Variants in CNBD1 observed in about 807,000 individuals in gnomAD.
CNBD1 encodes the protein cyclic nucleotide binding domain containing 1.
Under a neutral mutation model 54.4 loss-of-function variants are expected in CNBD1, and 71 were observed. The observed-to-expected ratio is 1.30, with a 90% CI of 1.08 to 1.59. The LOEUF (loss-of-function observed/expected upper bound fraction) is 1.59. Ranked by LOEUF, CNBD1 falls within the 40% of genes most tolerant of loss-of-function variation. The pLI is 0.00. For synonymous variants in CNBD1, 182 were observed against 170.7 expected (o/e 1.07, Z -0.51); for missense variants, 659 against 518.0 (o/e 1.27, Z -2.64).
chr8:87,136,956 C>A (rs190818952), intron 4 of CNBD1, among the ~76,000 whole-genome samples: 2 of 51,934 alleles, frequency 3.9e-5, no homozygotes, highest in East Asian at 9.6e-4. Context: ...TATTTATATT[C>A]TATGTAAATT....
intron 4 of CNBD1, among the ~76,000 whole-genome samples, chr8:87,012,375 A>T (rs886661132): frequency 7.2e-5 from 11 of 152,184 alleles, no homozygotes; most frequent in Admixed American, 5.9e-4. Flanking sequence ...GATGGGTTTT[A>T]TTTAACCCTA....
chr8:86,903,860 A>G (rs1172368603), intron 2 of CNBD1, among the ~76,000 whole-genome samples: 2 of 56,320 alleles, frequency 3.6e-5, no homozygotes, highest in Admixed American at 2.3e-4. Context: ...TGAGTTACAA[A>G]CAGAATTTTT....
intron 2 of CNBD1, among the ~76,000 whole-genome samples, chr8:86,901,873 A>G (rs1808943787): frequency 6.6e-6 from 1 of 152,126 alleles, no homozygotes; most frequent in South Asian, 2.1e-4. Context: ...GGGAAGGGTG[A>G]TCACTTAAAG....
At chr8:87,406,208 T>A (rs113338723) in intron 2 of CNBD1, among the ~76,000 whole-genome samples, 3 of 152,074 alleles carry the variant, frequency 2.0e-5, no homozygotes, top group Non-Finnish European at 2.9e-5. Flanking sequence ...CCAATCTTTG[T>A]TCATGTATAG....
chr8:87,379,642 A>G (rs899063416), intron 10 of CNBD1, among the ~76,000 whole-genome samples: 1 of 152,060 alleles, frequency 6.6e-6, no homozygotes, highest in African/African-American at 2.4e-5. Flanking sequence ...AAATAATGTA[A>G]TGGTCATAAA....
chr8:87,391,106 G>C (rs1364653909), intron 2 of CNBD1, among the ~76,000 whole-genome samples: 2 of 151,960 alleles, frequency 1.3e-5, no homozygotes, highest in Admixed American at 1.3e-4. Flanking sequence ...TGGGGGAAGG[G>C]GGGAGGGATA....
intron 5 of CNBD1, among the ~76,000 whole-genome samples, chr8:87,223,882 T>C (rs1814409343): frequency 6.6e-6 from 1 of 152,152 alleles, no homozygotes; most frequent in Non-Finnish European, 1.5e-5. Flanking sequence ...TTCCTATTTC[T>C]CCACATTCTC....
At chr8:87,165,153 T>A (rs1812935879) in intron 4 of CNBD1, among the ~76,000 whole-genome samples, 1 of 151,972 alleles carries the variant, frequency 6.6e-6, no homozygotes, top group Admixed American at 6.6e-5. Context: ...TCCTTAAATT[T>A]GTTCATAATT....
intron 4 of CNBD1, among the ~76,000 whole-genome samples, chr8:86,963,783 A>T (rs1326204337): frequency 6.6e-6 from 1 of 152,100 alleles, no homozygotes; most frequent in Non-Finnish European, 1.5e-5. Context: ...TGATCCCTAG[A>T]ATCACCCTAG....
chr8:87,172,537 T>G (rs537293419), intron 4 of CNBD1, among the ~76,000 whole-genome samples: 1 of 152,124 alleles, frequency 6.6e-6, no homozygotes, highest in Non-Finnish European at 1.5e-5. Context: ...AATATTTGCT[T>G]TATATATCTT....
At chr8:86,972,162 G>T (rs1227798498) in intron 4 of CNBD1, among the ~76,000 whole-genome samples, 3 of 152,068 alleles carry the variant, frequency 2.0e-5, no homozygotes, top group African/African-American at 7.2e-5. Context: ...ATCTTGGCCA[G>T]GCTGATCTTG....
chr8:87,243,875 T>G (rs1317340880), intron 6 of CNBD1, among the ~76,000 whole-genome samples: 1 of 152,104 alleles, frequency 6.6e-6, no homozygotes, highest in Non-Finnish European at 1.5e-5. Flanking sequence ...ACACAGAATG[T>G]GATTTGCTGT....
At chr8:87,401,959 G>A (rs1032065752) in intron 2 of CNBD1, among the ~76,000 whole-genome samples, 1 of 151,864 alleles carries the variant, frequency 6.6e-6, no homozygotes, top group Non-Finnish European at 1.5e-5. Flanking sequence ...TTTCAAGGAA[G>A]GTGTATTAGT....
intron 4 of CNBD1, among the ~76,000 whole-genome samples, chr8:87,099,606 G>GT (rs1180623186): frequency 4.6e-5 from 7 of 151,762 alleles, no homozygotes; most frequent in African/African-American, 1.7e-4. Context: ...TTCCTAACAT[G>GT]TTGAATGTGA....
intron 8 of CNBD1, among the ~76,000 whole-genome samples, chr8:87,324,603 A>G (rs1258836952): frequency 6.7e-6 from 1 of 149,546 alleles, no homozygotes; most frequent in East Asian, 1.9e-4. Context: ...AGGTGTTTGT[A>G]GTATTCTCTG....
chr8:86,987,987 G>T (rs918237674), intron 4 of CNBD1, among the ~76,000 whole-genome samples: 1 of 151,988 alleles, frequency 6.6e-6, no homozygotes, highest in Non-Finnish European at 1.5e-5. Flanking sequence ...TCCCGATTTT[G>T]GTATCAGGCT....
chr8:87,013,997 T>C (rs906900114), intron 4 of CNBD1, among the ~76,000 whole-genome samples: 1 of 151,870 alleles, frequency 6.6e-6, no homozygotes, highest in Non-Finnish European at 1.5e-5. Flanking sequence ...AAAACAAAAG[T>C]CTTTTCTAAA....
At chr8:86,948,106 G>T (rs1190994246) in intron 4 of CNBD1, among the ~76,000 whole-genome samples, 1 of 152,048 alleles carries the variant, frequency 6.6e-6, no homozygotes, top group Non-Finnish European at 1.5e-5. Flanking sequence ...ATTACGTATG[G>T]ATGAATGGTA....
At chr8:87,303,247 C>G (rs1033969726) in intron 8 of CNBD1, among the ~76,000 whole-genome samples, 1 of 151,128 alleles carries the variant, frequency 6.6e-6, no homozygotes, top group African/African-American at 2.4e-5. Flanking sequence ...TACTACAAGG[C>G]TACAGTAACC....
Sources: gnomAD v4.1 joint callset for allele counts (sites outside exome capture counted in the v4.1 genomes callset) on GRCh38, gnomAD v4.1.1 for gene constraint, MANE v1.5 for transcripts, NCBI Gene and HGNC (gene_info 2026-07-23, HGNC 2026-07-21) for gene names.